The following MSH3 variants were observed in gnomAD, a reference collection of about 807,000 sequenced individuals.
MSH3 encodes the protein mutS homolog 3.
MSH3 carries 106 observed loss-of-function variants against 123.3 expected under a neutral mutation model. The observed-to-expected ratio is 0.86, with a 90% CI of 0.73 to 1.01. The LOEUF is 1.01. MSH3 is among the 50% of genes least tolerant of loss of function. The pLI, the probability that MSH3 is intolerant of heterozygous loss-of-function variation, is 0.00. For synonymous variants in MSH3, 515 were observed against 481.4 expected (o/e 1.07, Z -0.91); for missense variants, 1,459 against 1,347.6 (o/e 1.08, Z -1.29).
At position 80,768,890 on chromosome 5, in the gene MSH3, A is replaced by G. The variant is rs2112885160; in HGVS notation, c.2140A>G (p.Lys714Glu). 6.2e-7 allele frequency: 1 copy of G among 1,612,028 alleles called. No homozygotes were observed. The highest frequency in any genetic ancestry group is 8.5e-7 in the Non-Finnish European group (1 of 1,178,392). ...CCTTTCTGACTTCCCTTTAATAAAAAAGAGGAAGGATGAAATTCAAGGTGT... is the reference window on the plus strand; with the variant it reads ...CCTTTCTGACTTCCCTTTAATAAAAGAGAGGAAGGATGAAATTCAAGGTGT... ...KDLSDFPLIK[K>E]RKDEIQGVID... The change falls in exon 15 of 24, where the codon AAG becomes GAG. Residue 714 changes from lysine to glutamate, a missense_variant. Physicochemically the swap from Lys to Glu is moderately conservative, Grantham distance 56 (BLOSUM62 1). Coordinates refer to ENST00000265081, the MANE Select transcript of MSH3 (RefSeq NM_002439.5).
chr5:80,767,811 A>G (rs767321523), intron 13 of MSH3, 122 bp from the exon 14 acceptor site: 3 of 704,426 alleles, frequency 4.3e-6, no homozygotes, highest in Non-Finnish European at 7.3e-6. Context: ...TTTTATTTCA[A>G]CTAACTAGTT....
chr5:80,776,706 A>G (rs556082279), intron 16 of MSH3, among the ~76,000 whole-genome samples: 29 of 151,962 alleles, frequency 1.9e-4, no homozygotes, highest in African/African-American at 6.7e-4. Flanking sequence ...TGGAATATTT[A>G]TTAGTACTGT....
chr5:80,863,146 A>C (rs1310759205), intron 21 of MSH3, among the ~76,000 whole-genome samples: 1 of 152,206 alleles, frequency 6.6e-6, no homozygotes, highest in Non-Finnish European at 1.5e-5. Flanking sequence ...GATGTGATGC[A>C]CTGGGAAGGA....
At chr5:80,799,500 C>CT (rs746348952) in intron 19 of MSH3, among the ~76,000 whole-genome samples, 3,337 of 32,296 alleles carry the variant, frequency 0.1, 678 homozygotes, top group East Asian at 0.13. Flanking sequence ...GAAGATAGCA[C>CT]TTTTTTTTTT....
intron 8 of MSH3, among the ~76,000 whole-genome samples, chr5:80,700,529 T>C (rs1049500196): frequency 6.6e-6 from 1 of 152,220 alleles, no homozygotes; most frequent in Admixed American, 6.5e-5. Flanking sequence ...TACATTAATT[T>C]CTTCCCTGGT....
At chr5:80,761,955 A>G (rs1277677923) in intron 13 of MSH3, among the ~76,000 whole-genome samples, 1 of 152,146 alleles carries the variant, frequency 6.6e-6, no homozygotes, top group Non-Finnish European at 1.5e-5. Context: ...TTTCATCCTG[A>G]AAGTACAGAC....
chr5:80,748,691 T>TACAC (rs36206914), intron 12 of MSH3, among the ~76,000 whole-genome samples: 16 of 147,358 alleles, frequency 1.1e-4, no homozygotes, highest in Non-Finnish European at 1.8e-4. Context: ...ATTTTTTATT[T>TACAC]ACACACACAC....
At chr5:80,693,507 A>C (rs749946964) in intron 8 of MSH3, among the ~76,000 whole-genome samples, 39 of 102,696 alleles carry the variant, frequency 3.8e-4, no homozygotes, top group Non-Finnish European at 7.6e-4. Flanking sequence ...ATATGTTTAT[A>C]TAAATATGCA....
chr5:80,714,863 G>A (rs1472018507), intron 8 of MSH3, among the ~76,000 whole-genome samples: 1 of 152,170 alleles, frequency 6.6e-6, no homozygotes, highest in Non-Finnish European at 1.5e-5. Context: ...GAAGTCTACA[G>A]GAAGATAAAA....
chr5:80,798,911 TG>T (rs1353028752), intron 19 of MSH3, among the ~76,000 whole-genome samples: 6 of 152,238 alleles, frequency 3.9e-5, no homozygotes, highest in Admixed American at 3.9e-4. Flanking sequence ...CACCATCCTC[TG>T]GCCAGAAAAA....
intron 21 of MSH3, among the ~76,000 whole-genome samples, chr5:80,857,213 A>G (rs1745934426): frequency 6.6e-6 from 1 of 152,156 alleles, no homozygotes; most frequent in Non-Finnish European, 1.5e-5. Context: ...TGGTGTTCAA[A>G]TGTTGAATGA....
At chr5:80,723,951 G>A (rs1399186130) in intron 8 of MSH3, among the ~76,000 whole-genome samples, 1 of 151,790 alleles carries the variant, frequency 6.6e-6, no homozygotes, top group Non-Finnish European at 1.5e-5. Context: ...TTTGTAGAGA[G>A]AGCCATGTTG....
At chr5:80,804,928 GT>G (rs1744861555) in intron 19 of MSH3, among the ~76,000 whole-genome samples, 1 of 152,200 alleles carries the variant, frequency 6.6e-6, no homozygotes. Flanking sequence ...TTAATGATAT[GT>G]ATATGATTAG....
chr5:80,796,353 TG>T (rs887567382), intron 19 of MSH3, among the ~76,000 whole-genome samples: 1 of 152,262 alleles, frequency 6.6e-6, no homozygotes, highest in Non-Finnish European at 1.5e-5. Flanking sequence ...ACAAAGTAAA[TG>T]GAGTAATTTT....
At chr5:80,781,536 T>TGCAA (rs973703404) in intron 17 of MSH3, among the ~76,000 whole-genome samples, 2 of 151,538 alleles carry the variant, frequency 1.3e-5, no homozygotes, top group Admixed American at 6.6e-5. Flanking sequence ...GATACAATCA[T>TGCAA]GACTCATTGC....
intron 13 of MSH3, among the ~76,000 whole-genome samples, chr5:80,765,180 C>G (rs1744102308): frequency 6.6e-6 from 1 of 152,218 alleles, no homozygotes; most frequent in Non-Finnish European, 1.5e-5. Context: ...CACCTTGCTT[C>G]TGTTGCTGAC....
chr5:80,684,343 T>C (rs573354056), intron 8 of MSH3, among the ~76,000 whole-genome samples: 205 of 152,348 alleles, frequency 1.3e-3, no homozygotes, highest in African/African-American at 4.7e-3. Flanking sequence ...GTGTGTTCTC[T>C]TCAATGTTTT....
chr5:80,741,015 C>G (rs535653561), intron 10 of MSH3, among the ~76,000 whole-genome samples: 1 of 152,230 alleles, frequency 6.6e-6, no homozygotes, highest in Non-Finnish European at 1.5e-5. Context: ...TGCACCTGGC[C>G]TAGAATCTTG....
chr5:80,666,870 G>T (rs992473880), intron 3 of MSH3, among the ~76,000 whole-genome samples: 1 of 152,164 alleles, frequency 6.6e-6, no homozygotes, highest in African/African-American at 2.4e-5. Context: ...AATATATTCT[G>T]ATCACTCTGA....
Sources: gnomAD v4.1 joint callset for allele counts (sites outside exome capture counted in the v4.1 genomes callset) on GRCh38, gnomAD v4.1.1 for gene constraint, MANE v1.5 for transcripts, NCBI Gene and HGNC (gene_info 2026-07-23, HGNC 2026-07-21) for gene names.